PCDH15: variants seen among roughly 807,000 people sequenced by gnomAD.
PCDH15 encodes protocadherin-15.
A neutral mutation model predicts 178.5 loss-of-function variants in PCDH15; 129 were observed. The ratio of observed to expected loss-of-function variants is 0.72; its 90% CI spans 0.63 to 0.84. PCDH15 has a LOEUF of 0.84. Among genes scored for constraint, PCDH15 ranks in the 40% least tolerant of loss-of-function variants. PCDH15 has a pLI of 0.00. For missense variants in PCDH15, 2,230 were observed against 2,099.9 expected (o/e 1.06, Z -1.21); for synonymous variants, 800 against 732.0 (o/e 1.09, Z -1.50).
chr10:55,239,974 A>T (rs972094775), intron 1 of PCDH15, among the ~76,000 whole-genome samples: 7 of 152,196 alleles, frequency 4.6e-5, no homozygotes, highest in Non-Finnish European at 1.0e-4. Context: ...ATGCAAATCA[A>T]ATCTACAATG....
At chr10:55,425,366 C>G (rs1009783308) in intron 2 of PCDH15, among the ~76,000 whole-genome samples, 1 of 151,522 alleles carries the variant, frequency 6.6e-6, no homozygotes, top group Non-Finnish European at 1.5e-5. Flanking sequence ...TACAATAGCT[C>G]AAAAATTTTA....
At chr10:54,040,999 A>G (rs1429417806) in intron 18 of PCDH15, among the ~76,000 whole-genome samples, 1 of 152,148 alleles carries the variant, frequency 6.6e-6, no homozygotes, top group African/African-American at 2.4e-5. Context: ...ATCTATTTAA[A>G]GAAGTCCTGA....
intron 2 of PCDH15, among the ~76,000 whole-genome samples, chr10:55,452,170 T>A (rs968084799): frequency 6.6e-6 from 1 of 152,168 alleles, no homozygotes; most frequent in African/African-American, 2.4e-5. Context: ...GAGGGTAAGT[T>A]TGAAAAATGA....
chr10:54,874,809 C>T (rs1276430764), intron 3 of PCDH15, among the ~76,000 whole-genome samples: 1 of 152,032 alleles, frequency 6.6e-6, no homozygotes, highest in Non-Finnish European at 1.5e-5. Flanking sequence ...ACAACCCTAG[C>T]CCCTTATCAA....
chr10:54,910,721 A>G (rs559700400), intron 2 of PCDH15, among the ~76,000 whole-genome samples: 2 of 152,344 alleles, frequency 1.3e-5, no homozygotes, highest in East Asian at 3.9e-4. Flanking sequence ...TAAGGTATGC[A>G]AAACAATAGG....
chr10:55,027,325 G>T (rs970765006), intron 2 of PCDH15, among the ~76,000 whole-genome samples: 2 of 151,604 alleles, frequency 1.3e-5, no homozygotes, highest in Non-Finnish European at 3.0e-5. Context: ...TCTCAGAAGG[G>T]AGTAAATGAG....
chr10:54,999,638 G>A (rs928031210), intron 2 of PCDH15, among the ~76,000 whole-genome samples: 1 of 152,142 alleles, frequency 6.6e-6, no homozygotes, highest in African/African-American at 2.4e-5. Flanking sequence ...GCCAGGAACA[G>A]GTGAGAGCTC....
chr10:55,222,754 T>C (rs796388804), intron 1 of PCDH15, among the ~76,000 whole-genome samples: 39,575 of 130,190 alleles, frequency 0.3, 7,021 homozygotes, highest in Middle Eastern at 0.41. Context: ...TATATATATA[T>C]ATATATATAT....
intron 1 of PCDH15, among the ~76,000 whole-genome samples, chr10:55,235,722 T>C (rs1473601941): frequency 2.6e-5 from 4 of 151,762 alleles, no homozygotes; most frequent in Non-Finnish European, 5.9e-5. Context: ...GCCTGACCTA[T>C]ATGGTGAAAC....
chr10:54,505,298 C>T (rs1020501244), intron 3 of PCDH15, among the ~76,000 whole-genome samples: 1 of 152,054 alleles, frequency 6.6e-6, no homozygotes, highest in Admixed American at 6.6e-5. Flanking sequence ...ACACAGGTCT[C>T]TGTATGTAGC....
chr10:55,203,274 C>A (rs866581668), intron 1 of PCDH15, among the ~76,000 whole-genome samples: 2 of 151,904 alleles, frequency 1.3e-5, no homozygotes, highest in African/African-American at 4.8e-5. Context: ...GTTTTCTCAG[C>A]CTTAAGGATA....
chr10:54,998,811 T>A (rs1254814828), intron 2 of PCDH15, among the ~76,000 whole-genome samples: 1 of 152,138 alleles, frequency 6.6e-6, no homozygotes, highest in African/African-American at 2.4e-5. Flanking sequence ...TGAAGAAAAT[T>A]TCTTAATTGC....
At chr10:55,366,342 C>G (rs1231972991) in intron 2 of PCDH15, 1 of 152,064 alleles carries the variant, frequency 6.6e-6, no homozygotes. Flanking sequence ...ATTCTGCTGA[C>G]TTATTTTTAT....
At chr10:55,183,010 G>A (rs917961041) in intron 1 of PCDH15, among the ~76,000 whole-genome samples, 2 of 151,904 alleles carry the variant, frequency 1.3e-5, no homozygotes, top group Admixed American at 1.3e-4. Context: ...TCTAAATATG[G>A]ACTCCTTCCT....
Position 55,148,530 on chromosome 10 carries a change from CCTT to C in PCDH15, c.-80+18043_-80+18045del, listed in dbSNP as rs540740556. On this transcript the variant is annotated intron_variant, in intron 2 of 5. Transcript: ENST00000458638. Reference sequence around the variant, plus strand: ...AGTTTACAACCCAGGGAATGGTTGACCTTCTTTGCAAGATCCACCCCATGATTT... The same window carrying C: ...AGTTTACAACCCAGGGAATGGTTGACCTTTGCAAGATCCACCCCATGATTT... 5.5e-3 allele frequency among the ~76,000 whole-genome samples: 828 copies of C among 151,872 alleles called. 10 individuals are homozygous for C. Among genetic ancestry groups the C allele is most frequent in the African/African-American group, 0.019 (796 of 41,486 alleles).
chr10:54,775,010 T>C (rs1037357134), intron 1 of PCDH15, among the ~76,000 whole-genome samples: 2 of 152,182 alleles, frequency 1.3e-5, no homozygotes, highest in Non-Finnish European at 2.9e-5. Flanking sequence ...TTTAAGACAA[T>C]TAGACTGTTT....
chr10:55,303,112 C>T (rs1437542396), intron 1 of PCDH15, among the ~76,000 whole-genome samples: 1 of 152,108 alleles, frequency 6.6e-6, no homozygotes, highest in African/African-American at 2.4e-5. Context: ...TATACACACA[C>T]ACACGGAAAT....
chr10:54,405,822 C>T (rs998944729), intron 3 of PCDH15, among the ~76,000 whole-genome samples: 2 of 149,456 alleles, frequency 1.3e-5, no homozygotes, highest in African/African-American at 4.9e-5. Context: ...CCAAACAATA[C>T]ATGAAGGCTA....
At chr10:55,472,333 G>A (rs1839975160) in intron 2 of PCDH15, among the ~76,000 whole-genome samples, 1 of 152,014 alleles carries the variant, frequency 6.6e-6, no homozygotes, top group Non-Finnish European at 1.5e-5. Flanking sequence ...AACATGTTGA[G>A]AATAATAAGT....
Sources: gnomAD v4.1 joint callset for allele counts (sites outside exome capture counted in the v4.1 genomes callset) on GRCh38, gnomAD v4.1.1 for gene constraint, MANE v1.5 for transcripts, NCBI Gene and HGNC (gene_info 2026-07-23, HGNC 2026-07-21) for gene names.